The following CNTN1 variants were observed in gnomAD, a reference collection of about 807,000 sequenced individuals.
CNTN1 encodes contactin 1.
Under a neutral mutation model 126.4 loss-of-function variants are expected in CNTN1, and 38 were observed. That is an observed-to-expected ratio of 0.30 (90% CI 0.23 to 0.39). The LOEUF (loss-of-function observed/expected upper bound fraction) is 0.39, where lower values mean the gene tolerates loss of function less well. Among genes scored for constraint, CNTN1 ranks in the 10% least tolerant of loss-of-function variants. CNTN1 has a pLI of 1.00. For synonymous variants in CNTN1, 413 were observed against 422.6 expected, an observed-to-expected ratio of 0.98 and a Z score of 0.28; for missense variants, 1,009 against 1,248.4, an observed-to-expected ratio of 0.81 and a Z score of 2.89.
At chr12:40,992,029 G>A (rs1292814383) in intron 16 of CNTN1, among the ~76,000 whole-genome samples, 2 of 152,164 alleles carry the variant, frequency 1.3e-5, no homozygotes, top group African/African-American at 2.4e-5. Flanking sequence ...GAGATAAAGA[G>A]GTAGAAATCC....
chr12:40,985,768 T>C (rs1664164696), intron 16 of CNTN1, among the ~76,000 whole-genome samples: 1 of 152,186 alleles, frequency 6.6e-6, no homozygotes, highest in South Asian at 2.1e-4. Context: ...CTTGAAATAT[T>C]TCCTCTGCTC....
At chr12:40,866,505 AT>A (rs1429133400) in intron 1 of CNTN1, among the ~76,000 whole-genome samples, 2 of 152,200 alleles carry the variant, frequency 1.3e-5, no homozygotes, top group African/African-American at 4.8e-5. Flanking sequence ...TTTAGTAAGC[AT>A]TTTTATTATA....
chr12:40,910,054 T>C lies in CNTN1; in HGVS notation c.62-19T>C. ...AATAATTGCTTCAGGATCAAAATTG[T>C]TTTTTCTTTCATTTTTAGAGTTTAC... is the stretch of plus-strand genomic sequence containing the variant. On this transcript the variant is annotated intron_variant, in intron 2 of 23. Transcript: ENST00000551295. 3 of 1,592,506 alleles carry C rather than the reference T, an allele frequency of 1.9e-6. No individual in the cohort carries two copies. The highest frequency in any genetic ancestry group is 1.1e-5 in the South Asian group (1 of 90,634).
In CNTN1 at chr12:41,029,271, AC is replaced by A. The variant is rs749498210; in HGVS notation, c.2980+55del. ...CAACTAAGTACTTGTGAGTTTCTAG[AC>A]CCTGTGGATTCCCAAGGGTAGGGAT... On this transcript the variant is annotated intron_variant, in intron 23 of 23. Transcript: ENST00000551295. The A allele has an allele frequency of 1.5e-5, 24 of 1,601,468 alleles. No individual in the cohort carries two copies. In the South Asian group the frequency reaches 2.5e-4, roughly 17 times the overall value.
chr12:41,005,163 G>A (rs1314666934), intron 17 of CNTN1: 1 of 152,084 alleles, frequency 6.6e-6, no homozygotes, highest in Non-Finnish European at 1.5e-5. Flanking sequence ...TATCTGAAAA[G>A]GATCTTATTT....
intron 19 of CNTN1, among the ~76,000 whole-genome samples, chr12:41,019,627 G>C (rs934514905): frequency 6.6e-6 from 1 of 152,118 alleles, no homozygotes; most frequent in Non-Finnish European, 1.5e-5. Context: ...AGGGATGTCA[G>C]TTACTTTTTT....
chr12:41,017,297 C>A (rs898532861), intron 19 of CNTN1, among the ~76,000 whole-genome samples: 1 of 148,358 alleles, frequency 6.7e-6, no homozygotes, highest in Non-Finnish European at 1.5e-5. Flanking sequence ...TATGGCCGGG[C>A]GTGGTGGCGC....
chr12:40,707,074 A>G (rs1218544758), intron 1 of CNTN1, among the ~76,000 whole-genome samples: 10 of 148,636 alleles, frequency 6.7e-5, no homozygotes, highest in Admixed American at 1.3e-4. Context: ...ACACACACAC[A>G]CACACACACA....
At chr12:40,842,952 T>C (rs564365948) in intron 1 of CNTN1, among the ~76,000 whole-genome samples, 21 of 152,134 alleles carry the variant, frequency 1.4e-4, no homozygotes, top group Non-Finnish European at 2.4e-4. Context: ...GGGGATTTTA[T>C]GCAATGATAT....
chr12:40,749,266 T>C (rs1235457753), intron 1 of CNTN1, among the ~76,000 whole-genome samples: 3 of 152,110 alleles, frequency 2.0e-5, no homozygotes. Flanking sequence ...AGTGGACCAG[T>C]CATTGTAGCA....
At chr12:40,931,075 G>T (rs1018239357) in intron 7 of CNTN1, among the ~76,000 whole-genome samples, 5 of 151,880 alleles carry the variant, frequency 3.3e-5, no homozygotes, top group Admixed American at 6.6e-5. Context: ...CAGTTGTTCC[G>T]GTTCACATTC....
intron 1 of CNTN1, among the ~76,000 whole-genome samples, chr12:40,837,486 A>G (rs190225761): frequency 3.9e-5 from 6 of 152,250 alleles, no homozygotes; most frequent in Admixed American, 3.3e-4. Flanking sequence ...CCCTGAAACT[A>G]TCATAGGGAG....
intron 23 of CNTN1, among the ~76,000 whole-genome samples, chr12:41,043,592 A>C (rs148908730): frequency 1.3e-5 from 2 of 152,046 alleles, no homozygotes; most frequent in African/African-American, 2.4e-5. Flanking sequence ...TCCGTGTGGC[A>C]ATTCCTCAGG....
At chr12:40,733,813 A>G (rs939513161) in intron 1 of CNTN1, among the ~76,000 whole-genome samples, 6 of 152,068 alleles carry the variant, frequency 3.9e-5, no homozygotes. Flanking sequence ...TCTTCAATTG[A>G]TCCTCACGTT....
chr12:41,029,340 A>T lies in CNTN1; in HGVS notation c.2980+121A>T. The T allele has an allele frequency of 2.6e-6, 3 of 1,133,180 alleles. No homozygotes were observed. In the Admixed American group the frequency reaches 5.1e-5, roughly 19 times the overall value. The allele number at this position is 1,133,180 out of a possible 1,614,324, so 70.2% of individuals were successfully genotyped here. ...GTCCATATTTTCCTAAGTAGATTGGACATATCAAGGATTCCCTGAAACTTG... is the reference window on the plus strand; with the variant it reads ...GTCCATATTTTCCTAAGTAGATTGGTCATATCAAGGATTCCCTGAAACTTG... On this transcript the variant is annotated intron_variant, in intron 23 of 23. Transcript: ENST00000551295.
intron 1 of CNTN1, among the ~76,000 whole-genome samples, chr12:40,840,497 A>G (rs147616946): frequency 1.3e-3 from 191 of 152,196 alleles, no homozygotes; most frequent in African/African-American, 3.8e-3. Flanking sequence ...AATGGACATA[A>G]TAGACATTTA....
intron 1 of CNTN1, among the ~76,000 whole-genome samples, chr12:40,717,619 A>G (rs1565639862): frequency 6.6e-6 from 1 of 152,180 alleles, no homozygotes; most frequent in African/African-American, 2.4e-5. Context: ...CATTTATTTT[A>G]TTTCAAGTCA....
chr12:40,788,234 A>T (rs1940098345), intron 1 of CNTN1, among the ~76,000 whole-genome samples: 1 of 152,268 alleles, frequency 6.6e-6, no homozygotes, highest in South Asian at 2.1e-4. Flanking sequence ...GATTTCTGTC[A>T]CTATACACAC....
Position 40,944,173 on chromosome 12 carries a change from A to G in CNTN1, c.1683+3A>G. On this transcript the variant is annotated splice_donor_region_variant and intron_variant, in intron 14 of 23. Transcript: ENST00000551295. ...TTCACTACCAGAGGAATTTTATGGTATGTGTTTTAAGTTTCATCTTATTAA... is the reference window on the plus strand; with the variant it reads ...TTCACTACCAGAGGAATTTTATGGTGTGTGTTTTAAGTTTCATCTTATTAA... The G allele has an allele frequency of 1.9e-6, 3 of 1,611,108 alleles. No homozygotes were observed. Among genetic ancestry groups the G allele is most frequent in the Non-Finnish European group, 2.5e-6 (3 of 1,177,652 alleles).
Sources: allele counts gnomAD v4.1 joint callset (sites outside exome capture counted in the v4.1 genomes callset), GRCh38; gene constraint gnomAD v4.1.1; transcripts MANE v1.5; gene names NCBI Gene and HGNC (gene_info 2026-07-23, HGNC 2026-07-21).